SHOC1: variants seen among roughly 807,000 people sequenced by gnomAD.
The protein encoded by SHOC1 is protein shortage in chiasmata 1 ortholog.
A neutral mutation model predicts 179.2 loss-of-function variants in SHOC1; 136 were observed. The ratio of observed to expected loss-of-function variants is 0.76; its 90% CI spans 0.66 to 0.87. The LOEUF (loss-of-function observed/expected upper bound fraction) is 0.87, where lower values mean the gene tolerates loss of function less well. SHOC1 is among the 40% of genes least tolerant of loss of function. SHOC1 has a pLI of 0.00. For missense variants in SHOC1, 1,538 were observed against 1,700.8 expected, an observed-to-expected ratio of 0.90 and a Z score of 1.68; for synonymous variants, 489 against 586.6, an observed-to-expected ratio of 0.83 and a Z score of 2.41.
chr9:111,777,368 G>C (rs1054773657), intron 4 of SHOC1, among the ~76,000 whole-genome samples: 2 of 152,156 alleles, frequency 1.3e-5, no homozygotes, highest in Non-Finnish European at 2.9e-5. Flanking sequence ...TTCAGGAAAA[G>C]GCTATTATCA....
At chr9:111,786,631 C>G (rs558816661) in intron 2 of SHOC1, among the ~76,000 whole-genome samples, 1 of 151,558 alleles carries the variant, frequency 6.6e-6, no homozygotes, top group Admixed American at 6.6e-5. Flanking sequence ...GTAACTGTCC[C>G]AACATTTGAA....
At chr9:111,786,503 ATT>A (rs34413616) in intron 2 of SHOC1, among the ~76,000 whole-genome samples, 2,067 of 110,196 alleles carry the variant, frequency 0.019, 63 homozygotes, top group African/African-American at 0.067. Flanking sequence ...TGCTCTGCAG[ATT>A]TTTTTTTTTT....
chr9:111,690,013 G>C (rs1564099482), intron 27 of SHOC1, among the ~76,000 whole-genome samples: 3 of 152,124 alleles, frequency 2.0e-5, no homozygotes, highest in Admixed American at 2.0e-4. Flanking sequence ...AGTTTATGAA[G>C]TTAGCATAAC....
Position 111,722,545 on chromosome 9 carries a change from A to G in SHOC1, c.1995T>C (p.Ala665=). Reference sequence around the variant, plus strand: ...ATACAAGGTTTTTTAAGATAGGAGAAGCTGCTGCTTCGAGGAGGCAAAATG... The same window carrying G: ...ATACAAGGTTTTTTAAGATAGGAGAGGCTGCTGCTTCGAGGAGGCAAAATG... The part of the protein sequence containing the change: ...CQAFCLLEAA[A]SPILKNLVSL... The change falls in exon 15 of 28, where the codon GCT becomes GCC. Residue 665 remains alanine, a synonymous_variant. Coordinates refer to ENST00000682961, the MANE Select transcript of SHOC1 (RefSeq NM_001378211.1). The G allele has an allele frequency of 3.1e-6, 5 of 1,607,460 alleles. 1 individual carries two copies. The Middle Eastern group carries it at 8.3e-4, about 266-fold the overall frequency.
intron 15 of SHOC1, among the ~76,000 whole-genome samples, chr9:111,721,149 C>T (rs1226065328): frequency 6.6e-6 from 1 of 152,152 alleles, no homozygotes; most frequent in Non-Finnish European, 1.5e-5. Flanking sequence ...AATTATCCCC[C>T]ACTACTGAGG....
chr9:111,741,025 G>A (rs147421362), intron 11 of SHOC1, among the ~76,000 whole-genome samples: 52 of 152,290 alleles, frequency 3.4e-4, no homozygotes, highest in African/African-American at 1.2e-3. Flanking sequence ...GACTAGCTGG[G>A]ACTAAAGGTG....
intron 8 of SHOC1, among the ~76,000 whole-genome samples, chr9:111,756,008 G>A (rs1355575056): frequency 6.6e-6 from 1 of 152,044 alleles, no homozygotes; most frequent in South Asian, 2.1e-4. Flanking sequence ...TGTAATCCCA[G>A]CTACTCGGGA....
At chr9:111,697,419 C>G (rs564888431) in intron 24 of SHOC1, among the ~76,000 whole-genome samples, 1 of 152,228 alleles carries the variant, frequency 6.6e-6, no homozygotes, top group East Asian at 1.9e-4. Flanking sequence ...TCAATTCCCA[C>G]CTATGAGTGA....
At chr9:111,695,897 A>T (rs1831665877) in intron 24 of SHOC1, among the ~76,000 whole-genome samples, 1 of 152,224 alleles carries the variant, frequency 6.6e-6, no homozygotes, top group Admixed American at 6.6e-5. Flanking sequence ...TGCAAAAACA[A>T]TAATAAAAAC....
At chr9:111,745,506 G>A (rs1282921713) in intron 10 of SHOC1, among the ~76,000 whole-genome samples, 2 of 152,082 alleles carry the variant, frequency 1.3e-5, no homozygotes, top group African/African-American at 2.4e-5. Context: ...TCTTTAAAGA[G>A]GTAATTAAGT....
At chr9:111,694,927 C>T (rs1589373595) in intron 24 of SHOC1, among the ~76,000 whole-genome samples, 1 of 152,052 alleles carries the variant, frequency 6.6e-6, no homozygotes. Context: ...TAAGATACCC[C>T]TGCCAAAAAT....
At chr9:111,731,916 C>T (rs1353843198) in intron 12 of SHOC1, among the ~76,000 whole-genome samples, 1 of 151,708 alleles carries the variant, frequency 6.6e-6, no homozygotes, top group African/African-American at 2.4e-5. Flanking sequence ...AAGATTGCCA[C>T]AAAACTTCCA....
intron 5 of SHOC1, among the ~76,000 whole-genome samples, chr9:111,760,466 T>C (rs1835086648): frequency 6.6e-6 from 1 of 152,144 alleles, no homozygotes; most frequent in South Asian, 2.1e-4. Flanking sequence ...TTTGGCTAGT[T>C]AACTATGAAA....
chr9:111,756,189 T>G, intron 8 of SHOC1, 136 bp downstream of exon 8: 1 of 558,568 alleles, frequency 1.8e-6, no homozygotes, highest in Non-Finnish European at 3.0e-6. Context: ...AAAATAATCC[T>G]GAGATTTCAA....
intron 16 of SHOC1, among the ~76,000 whole-genome samples, chr9:111,715,332 G>T (rs1341635137): frequency 2.0e-5 from 3 of 151,836 alleles, no homozygotes; most frequent in Non-Finnish European, 4.4e-5. Context: ...AATAAATTTG[G>T]GTAACAAATG....
In SHOC1 at chr9:111,714,587, A is replaced by G. The variant is rs200681533; in HGVS notation, c.2273T>C (p.Ile758Thr). Residue 758 changes from isoleucine to threonine, a missense_variant, in exon 17 of 28, where the codon ATT (isoleucine) becomes ACT (threonine). By Grantham distance (89) the Ile-to-Thr change is moderately conservative. Coordinates refer to ENST00000682961, the MANE Select transcript of SHOC1 (RefSeq NM_001378211.1). ...LSKAKDIYNS[I>T]LGPYLGDIWR... ...AATGTCACCCAAATAGGGGCCTAAA[A>G]TGCTGTTGTAGATATCTTTTGCCTT... 100 of 1,613,862 alleles carry G rather than the reference A, an allele frequency of 6.2e-5. No homozygotes were observed. The East Asian group carries it at 6.9e-4, about 11-fold the overall frequency.
At chr9:111,723,672 G>A (rs1833169868) in intron 14 of SHOC1, 120 bp downstream of exon 14, 2 of 1,024,242 alleles carry the variant, frequency 2.0e-6, no homozygotes, top group Non-Finnish European at 2.9e-6. Context: ...GGAGTGGAAT[G>A]AAGAAATATC....
At chr9:111,750,457 C>G (rs1027228269) in intron 8 of SHOC1, among the ~76,000 whole-genome samples, 1 of 152,178 alleles carries the variant, frequency 6.6e-6, no homozygotes, top group Non-Finnish European at 1.5e-5. Flanking sequence ...GCCTCAGCCT[C>G]CCCAGTAACT....
intron 13 of SHOC1, 34 bp from the exon 14 acceptor site, chr9:111,723,945 TG>T: frequency 7.0e-7 from 1 of 1,419,126 alleles, no homozygotes; most frequent in South Asian, 1.3e-5. Context: ...AAATTTTTGT[TG>T]TTCAAGAGAA....
Sources: gnomAD v4.1 joint callset for allele counts (sites outside exome capture counted in the v4.1 genomes callset) on GRCh38, gnomAD v4.1.1 for gene constraint, MANE v1.5 for transcripts, NCBI Gene and HGNC (gene_info 2026-07-23, HGNC 2026-07-21) for gene names.